Variants in P2RX5 observed in about 807,000 individuals in gnomAD.
P2RX5 encodes the protein P2X purinoceptor 5.
In P2RX5, 46 loss-of-function variants were observed where a neutral mutation model predicts 54.1. That is an observed-to-expected ratio of 0.85 (90% CI 0.67 to 1.09). The LOEUF (loss-of-function observed/expected upper bound fraction) is 1.09. Among genes scored for constraint, P2RX5 ranks in the 50% least tolerant of loss-of-function variants. The pLI, the probability that P2RX5 is intolerant of heterozygous loss-of-function variation, is 0.00. For synonymous variants in P2RX5, 226 were observed against 226.4 expected (o/e 1.00, Z 0.02); for missense variants, 566 against 549.8 (o/e 1.03, Z -0.29).
intron 1 of P2RX5, among the ~76,000 whole-genome samples, chr17:3,692,839 C>CA (rs967411577): frequency 6.6e-6 from 1 of 151,598 alleles, no homozygotes; most frequent in Non-Finnish European, 1.5e-5. Flanking sequence ...AAAACAACAA[C>CA]AAAAAAATGA....
At chr17:3,682,215 G>C (rs191481954) in intron 9 of P2RX5, 18 of 559,606 alleles carry the variant, frequency 3.2e-5, no homozygotes, top group Non-Finnish European at 5.5e-5. Context: ...GGCACTCCCC[G>C]ACCCCGCACC....
chr17:3,678,767 C>G (rs1005345183), intron 11 of P2RX5, among the ~76,000 whole-genome samples: 2 of 152,210 alleles, frequency 1.3e-5, no homozygotes, highest in Non-Finnish European at 2.9e-5. Context: ...AGTCACAGAA[C>G]CCCAGTCTGA....
At chr17:3,709,934 C>T in the P2RX5 span, among the ~76,000 whole-genome samples, 1 of 151,674 alleles carries the variant, frequency 6.6e-6, no homozygotes, top group South Asian at 2.1e-4. Flanking sequence ...AAAAACAAAA[C>T]AAAACAAACA....
the P2RX5 span, among the ~76,000 whole-genome samples, chr17:3,711,527 C>T: frequency 5.4e-5 from 8 of 147,558 alleles, no homozygotes; most frequent in Non-Finnish European, 9.0e-5. Context: ...GGATTACAGG[C>T]ACCCACCACC....
the P2RX5 span, among the ~76,000 whole-genome samples, chr17:3,705,013 A>C: frequency 1.3e-5 from 2 of 152,300 alleles, no homozygotes; most frequent in African/African-American, 4.8e-5. Context: ...GTCTCAAAAA[A>C]AGAGAGGATA....
the P2RX5 span, among the ~76,000 whole-genome samples, chr17:3,718,841 T>G: frequency 6.6e-6 from 1 of 152,258 alleles, no homozygotes; most frequent in African/African-American, 2.4e-5. Flanking sequence ...TTCTTGCTAT[T>G]ATTTTTATTT....
chr17:3,714,900 T>C, the P2RX5 span: 2 of 1,611,226 alleles, frequency 1.2e-6, no homozygotes, highest in South Asian at 2.2e-5. Context: ...TTCCTGATGC[T>C]CTCCAAGTTC....
At chr17:3,716,928 T>C in the P2RX5 span, 1 of 604,792 alleles carries the variant, frequency 1.7e-6, no homozygotes, top group Non-Finnish European at 2.9e-6. Context: ...CTGATGACAG[T>C]AAAGCAAAAA....
chr17:3,689,945 AACACACGCACACACGTGC>A (rs2050561893), intron 6 of P2RX5, 107 bp downstream of exon 6: 21 of 926,676 alleles, frequency 2.3e-5, no homozygotes, highest in South Asian at 2.0e-4. Flanking sequence ...CACACACGCG[AACACACGCACACACGTGC>A]ACACACGCGC....
At chr17:3,710,022 T>C in the P2RX5 span, among the ~76,000 whole-genome samples, 3 of 152,180 alleles carry the variant, frequency 2.0e-5, no homozygotes, top group Non-Finnish European at 4.4e-5. Flanking sequence ...AAAATTCTGG[T>C]GCCATTATAA....
chr17:3,696,959 G>T (rs921687582), upstream of P2RX5, among the ~76,000 whole-genome samples: 1 of 152,118 alleles, frequency 6.6e-6, no homozygotes, highest in Admixed American at 6.5e-5. Flanking sequence ...TCCCCCACAG[G>T]CTGGAAGAGA....
chr17:3,715,014 G>T, the P2RX5 span: 1 of 852,508 alleles, frequency 1.2e-6, no homozygotes, highest in Non-Finnish European at 1.9e-6. Flanking sequence ...CGGCATTCTG[G>T]CTGTTGCCTA....
chr17:3,722,873 G>A, the P2RX5 span, among the ~76,000 whole-genome samples: 1 of 152,218 alleles, frequency 6.6e-6, no homozygotes, highest in African/African-American at 2.4e-5. Flanking sequence ...TGTTACGTGG[G>A]AATTATTTGT....
the P2RX5 span, among the ~76,000 whole-genome samples, chr17:3,713,902 GAT>G: frequency 6.6e-6 from 1 of 151,916 alleles, no homozygotes; most frequent in Non-Finnish European, 1.5e-5. Flanking sequence ...CTGAAAAATT[GAT>G]ACTTAAGAAT....
chr17:3,684,699 A>G (rs1481290732), intron 9 of P2RX5, among the ~76,000 whole-genome samples: 2 of 152,224 alleles, frequency 1.3e-5, no homozygotes, highest in African/African-American at 4.8e-5. Context: ...TACGACACCC[A>G]GCACAGCCCT....
chr17:3,688,037 C>G lies in P2RX5; in HGVS notation c.956G>C (p.Arg319Pro). 1.3e-6 allele frequency: 2 copies of G among 1,599,856 alleles called. No individual in the cohort carries two copies. Among genetic ancestry groups the G allele is most frequent in the Non-Finnish European group, 1.7e-6 (2 of 1,173,402 alleles). ...CTTGCCGTTCACCATCACGTCAAAG[C>G]GGATCCCGTAGGCTTTCATCAGGGT... ...FRTLMKAYGI[R>P]FDVMVNGKGA... Residue 319 changes from arginine to proline, a missense_variant, in exon 9 of 12, where the codon CGC becomes CCC. Transcript: ENST00000225328.
chr17:3,694,305 A>C (rs2050698505), intron 1 of P2RX5, among the ~76,000 whole-genome samples: 1 of 151,622 alleles, frequency 6.6e-6, no homozygotes, highest in African/African-American at 2.4e-5. Context: ...ATCCATAGAG[A>C]CAGATTCTCC....
chr17:3,688,879 C>T (rs1012271738), intron 7 of P2RX5, 120 bp from the exon 8 acceptor site: 1 of 1,069,880 alleles, frequency 9.3e-7, no homozygotes, highest in Non-Finnish European at 1.4e-6. Flanking sequence ...AGGTCAGCCC[C>T]TCGAGACCAC....
Position 3,677,263 on chromosome 17 carries a change from G to GA in P2RX5, c.1259+2326dup, listed in dbSNP as rs1397191749. 8.1e-6 allele frequency: 8 copies of GA among 985,222 alleles called. No individual in the cohort carries two copies. The African/African-American group carries it at 1.4e-4, about 17-fold the overall frequency. 61.0% of individuals were successfully genotyped at this position (985,222 alleles called of 1,614,324 possible). On this transcript the variant is annotated intron_variant, in intron 11 of 11. Transcript: ENST00000225328. The stretch of plus-strand genomic sequence containing the variant: ...TAGCACTTCAGGCCCAGCCTCTGAG[G>GA]AGGGGTGGGGAGGGCAGGAGCTCGG...
Sources: allele counts gnomAD v4.1 joint callset (sites outside exome capture counted in the v4.1 genomes callset), GRCh38; gene constraint gnomAD v4.1.1; transcripts MANE v1.5; gene names NCBI Gene and HGNC (gene_info 2026-07-23, HGNC 2026-07-21).